DST: variants seen among roughly 807,000 people sequenced by gnomAD.
DST encodes dystonin, also known as bullous pemphigoid antigen.
Under a neutral mutation model 875.2 loss-of-function variants are expected in DST, and 253 were observed. That is an observed-to-expected ratio of 0.29 (90% confidence interval 0.26 to 0.32). DST has a LOEUF of 0.32. DST is among the 10% of genes least tolerant of loss of function. The pLI is 1.00. For missense variants in DST, 8,287 were observed against 9,111.6 expected (o/e 0.91, Z 3.68); for synonymous variants, 3,124 against 3,197.1 (o/e 0.98, Z 0.77).
In DST at chr6:56,596,977, T is replaced by C. The variant is rs978580562; in HGVS notation, c.12195+763A>G. Among the ~76,000 whole-genome samples, 68 of 152,226 alleles carry C rather than the reference T, an allele frequency of 4.5e-4. 1 individual carries two copies. Among genetic ancestry groups the C allele is most frequent in the Admixed American group, 4.5e-3 (68 of 15,278 alleles). ...CTCAACTTAGCCTGGACACAGTGGCTCATGCCTGTAATCTCACCACTTTGG... is the reference window on the plus strand; with the variant it reads ...CTCAACTTAGCCTGGACACAGTGGCCCATGCCTGTAATCTCACCACTTTGG... On this transcript the variant is annotated intron_variant, in intron 47 of 103. Transcript: ENST00000680361.
At chr6:56,719,288 G>A (rs959610484) in intron 5 of DST, among the ~76,000 whole-genome samples, 1 of 152,128 alleles carries the variant, frequency 6.6e-6, no homozygotes, top group Non-Finnish European at 1.5e-5. Context: ...ATAGCTCCAA[G>A]ATTATCAATA....
At position 56,618,641 on chromosome 6, in the gene DST, G is replaced by A. The variant is rs1554504820; in HGVS notation, c.4930-4157C>T. The A allele has an allele frequency of 6.2e-7, 1 of 1,614,078 alleles. No individual in the cohort carries two copies. Among genetic ancestry groups the A allele is most frequent in the Non-Finnish European group, 8.5e-7 (1 of 1,180,018 alleles). On this transcript the variant is annotated intron_variant, in intron 36 of 103. Coordinates refer to ENST00000680361, the MANE Select transcript of DST (RefSeq NM_001374736.1). Reference sequence around the variant, plus strand: ...CTGTCTTTCAAGTTCTTTAATGTTTGTTTCACAAAGCTTAGCATTTTCTTG... The same window carrying A: ...CTGTCTTTCAAGTTCTTTAATGTTTATTTCACAAAGCTTAGCATTTTCTTG...
chr6:56,503,594 T>TACACACACATACACACAC (rs2096210808), intron 78 of DST, among the ~76,000 whole-genome samples: 1 of 140,806 alleles, frequency 7.1e-6, no homozygotes, highest in East Asian at 2.1e-4. Flanking sequence ...TACCTATACA[T>TACACACACATACACACAC]ACACACACAC....
chr6:56,634,351 G>A (rs2098808109), intron 26 of DST, 93 bp from the exon 27 acceptor site: 2 of 1,605,154 alleles, frequency 1.2e-6, no homozygotes, highest in Non-Finnish European at 1.7e-6. Flanking sequence ...TTCCACGGAT[G>A]AGTTCTAGAG....
At position 56,574,429 on chromosome 6, in the gene DST, T is replaced by TA. The variant is rs1194188907; in HGVS notation, c.13028-543dup. Among the ~76,000 whole-genome samples the TA allele has an allele frequency of 2.6e-5, 4 of 152,180 alleles. No individual in the cohort carries two copies. The East Asian group carries it at 7.7e-4, about 29-fold the overall frequency. On this transcript the variant is annotated intron_variant, in intron 50 of 103. Coordinates refer to ENST00000680361, the MANE Select transcript of DST (RefSeq NM_001374736.1). Reference sequence around the variant, plus strand: ...TAAGCTTTTGTCATACTTCACAACTTAAGCAAATCACTCAAATGCACAGAA... The same window carrying TA: ...TAAGCTTTTGTCATACTTCACAACTTAAAGCAAATCACTCAAATGCACAGAA...
In DST at chr6:56,597,783, C is replaced by T; in HGVS notation, c.12152G>A (p.Gly4051Glu). The T allele has an allele frequency of 6.2e-7, 1 of 1,613,914 alleles. No individual in the cohort carries two copies. Among genetic ancestry groups the T allele is most frequent in the Non-Finnish European group, 8.5e-7 (1 of 1,179,838 alleles). Residue 4051 changes from glycine to glutamate, a missense_variant, in exon 47 of 104, where the codon GGA becomes GAA. This residue lies in a region of DST where 1,513 missense variants were observed against 1,677.8 expected (regional missense o/e 0.90). Transcript: ENST00000680361. ...CTGATTCAGATTCTCCTGAGTGGTT[C>T]CAACTTGCCCATCAACATCAGTCTC... is the stretch of plus-strand genomic sequence containing the variant. ...LLETDVDGQV[G>E]TTQENLNQQY...
At chr6:56,705,554 C>A (rs552682067) in intron 5 of DST, among the ~76,000 whole-genome samples, 3 of 152,282 alleles carry the variant, frequency 2.0e-5, no homozygotes, top group South Asian at 2.1e-4. Context: ...TTGACTCTCT[C>A]TATATATATG....
intron 36 of DST, chr6:56,615,161 T>C: frequency 9.2e-7 from 1 of 1,088,186 alleles, no homozygotes; most frequent in Non-Finnish European, 1.1e-6. Flanking sequence ...GTGCAATTTA[T>C]CATTTAATAA....
At chr6:56,802,072 G>A (rs2099747828) in intron 4 of DST, among the ~76,000 whole-genome samples, 1 of 152,050 alleles carries the variant, frequency 6.6e-6, no homozygotes. Flanking sequence ...ATTATTAAGA[G>A]AGAAACTAAA....
intron 10 of DST, among the ~76,000 whole-genome samples, chr6:56,657,808 C>T (rs1011744530): frequency 6.6e-5 from 10 of 152,150 alleles, no homozygotes; most frequent in African/African-American, 2.4e-4. Flanking sequence ...CTCTGTCATC[C>T]ACCCTGGAGT....
At chr6:56,590,552 CA>C in intron 49 of DST, among the ~76,000 whole-genome samples, 1 of 151,790 alleles carries the variant, frequency 6.6e-6, no homozygotes, top group Non-Finnish European at 1.5e-5. Flanking sequence ...CTTGAATATA[CA>C]ATACATGGGG....
intron 72 of DST, among the ~76,000 whole-genome samples, chr6:56,514,365 T>C (rs1210293581): frequency 6.6e-6 from 1 of 152,240 alleles, no homozygotes; most frequent in African/African-American, 2.4e-5. Context: ...ATTCCTGTTC[T>C]ATATTAAATA....
intron 4 of DST, among the ~76,000 whole-genome samples, chr6:56,845,594 C>T (rs1363045459): frequency 2.6e-5 from 4 of 152,190 alleles, no homozygotes; most frequent in African/African-American, 9.7e-5. Flanking sequence ...AAAGTAACAA[C>T]CAGGCATCAT....
intron 3 of DST, among the ~76,000 whole-genome samples, chr6:56,893,588 A>ATTTTTTT (rs1788963958): frequency 1.4e-4 from 9 of 65,144 alleles, no homozygotes; most frequent in East Asian, 1.1e-3. Flanking sequence ...TTTTTTTTTT[A>ATTTTTTT]TTTTTTTTTA....
intron 100 of DST, chr6:56,464,050 T>C: frequency 2.1e-6 from 1 of 466,460 alleles, no homozygotes; most frequent in Non-Finnish European, 4.0e-6. Context: ...AGTGTCAGCA[T>C]GAAAATGGAA....
rs773408995 is a variant in DST at position 56,619,211 on chromosome 6, T to C, written c.4930-4727A>G. 23 of 1,613,908 alleles carry C rather than the reference T, an allele frequency of 1.4e-5. 1 individual carries two copies. The highest frequency in any genetic ancestry group is 8.5e-7 in the Non-Finnish European group (1 of 1,180,036). ...AATTTTCAGTGCTTCACATCTTTGC[T>C]GGATAGTTTGTTTCTCTAAAACTAT... On this transcript the variant is annotated intron_variant, in intron 36 of 103. Coordinates refer to ENST00000680361, the MANE Select transcript of DST (RefSeq NM_001374736.1).
chr6:56,940,201 C>T (rs879691851), intron 2 of DST, among the ~76,000 whole-genome samples: 11,232 of 111,414 alleles, frequency 0.1, 470 homozygotes, highest in East Asian at 0.16. Flanking sequence ...TACACACACA[C>T]ACACACACAC....
rs192683447 is a variant in DST, at chr6:56,891,530, C to T, written c.417+8891G>A. Among the ~76,000 whole-genome samples, 847 of 147,140 alleles carry T rather than the reference C, an allele frequency of 5.8e-3. 4 individuals carry two copies. The highest frequency in any genetic ancestry group is 8.2e-3 in the Non-Finnish European group (554 of 67,452). ...GCAGTGAGCCGAGATTGAGCCACTG[C>T]ACTCCAGCCTGGGCGACAGAGTGAG... On this transcript the variant is annotated intron_variant, in intron 3 of 103. Transcript: ENST00000680361.
intron 4 of DST, among the ~76,000 whole-genome samples, chr6:56,767,382 CA>C (rs1481572215): frequency 6.6e-6 from 1 of 151,994 alleles, no homozygotes; most frequent in East Asian, 1.9e-4. Flanking sequence ...TTTGGGAGGC[CA>C]AAGTGGGCAG....
Sources: allele counts gnomAD v4.1 joint callset (sites outside exome capture counted in the v4.1 genomes callset), GRCh38; gene constraint gnomAD v4.1.1; regional missense constraint gnomAD v4.1.1; transcripts MANE v1.5; gene names NCBI Gene and HGNC (gene_info 2026-07-23, HGNC 2026-07-21).